AGTPBP1: variants seen among roughly 807,000 people sequenced by gnomAD.
The protein encoded by AGTPBP1 is cytosolic carboxypeptidase 1.
AGTPBP1 carries 70 observed loss-of-function variants against 143.9 expected under a neutral mutation model. That is an observed-to-expected ratio of 0.49 (90% confidence interval 0.40 to 0.59). The LOEUF (loss-of-function observed/expected upper bound fraction) is 0.59. Ranked by LOEUF, AGTPBP1 falls within the 20% of genes least tolerant of loss-of-function variation. AGTPBP1 has a pLI of 0.00. For synonymous variants in AGTPBP1, 463 were observed against 500.2 expected (o/e 0.93, Z 0.99); for missense variants, 1,229 against 1,464.5 (o/e 0.84, Z 2.62).
In AGTPBP1 at chr9:85,678,467, GA is replaced by G. The variant is rs1226308586; in HGVS notation, c.226-70del. The G allele has an allele frequency of 1.1e-5, 11 of 980,648 alleles. No individual in the cohort carries two copies. The East Asian group carries it at 3.0e-4, about 27-fold the overall frequency. The allele number at this position is 980,648 out of a possible 1,614,324, so 60.7% of individuals were successfully genotyped here. A position where few individuals can be genotyped will look rare whatever the true frequency, so the allele number is the denominator to read the frequency against. On this transcript the variant is annotated intron_variant, in intron 4 of 25. Transcript: ENST00000357081. ...ATTCCCAGACTTTTGAATCCACTGG[GA>G]ACTACCTATATTTTACAAATGACCT...
upstream of AGTPBP1, among the ~76,000 whole-genome samples, chr9:85,744,608 G>A (rs895692657): frequency 7.2e-5 from 11 of 152,144 alleles, no homozygotes; most frequent in Admixed American, 2.6e-4. Flanking sequence ...CCAGTTGCCC[G>A]CTTCACAGTT....
At chr9:85,666,228 GA>G (rs1398263507) in intron 8 of AGTPBP1, among the ~76,000 whole-genome samples, 6 of 152,048 alleles carry the variant, frequency 3.9e-5, no homozygotes, top group African/African-American at 1.4e-4. Context: ...AACCTATGGG[GA>G]AACTCAAAAA....
chr9:85,666,036 T>C (rs1834111495), intron 8 of AGTPBP1, among the ~76,000 whole-genome samples: 1 of 152,150 alleles, frequency 6.6e-6, no homozygotes, highest in Non-Finnish European at 1.5e-5. Flanking sequence ...AAATAATTTA[T>C]ACTTCCTCAT....
At chr9:85,671,896 T>C (rs1226819660) in intron 7 of AGTPBP1, among the ~76,000 whole-genome samples, 1 of 152,202 alleles carries the variant, frequency 6.6e-6, no homozygotes, top group Non-Finnish European at 1.5e-5. Context: ...ATCCTTTCCT[T>C]CTAGGCTTTC....
At chr9:85,610,450 A>C (rs1830249129) in intron 17 of AGTPBP1, among the ~76,000 whole-genome samples, 1 of 152,200 alleles carries the variant, frequency 6.6e-6, no homozygotes, top group Non-Finnish European at 1.5e-5. Context: ...GCTTAATTTT[A>C]AGATCATTCA....
rs1403157265 is a variant in AGTPBP1 at position 85,646,310 on chromosome 9, T to C, written c.1185+11A>G. 43 of 1,602,922 alleles carry C rather than the reference T, an allele frequency of 2.7e-5. No homozygotes were observed. The highest frequency in any genetic ancestry group is 3.7e-5 in the Non-Finnish European group (43 of 1,171,892). On this transcript the variant is annotated intron_variant, in intron 12 of 25. Coordinates refer to ENST00000357081, the MANE Select transcript of AGTPBP1 (RefSeq NM_001330701.2). ...TTATAAAGCTAACTAATTACAGAAA[T>C]TTATACTAACCTTAAAATTTTGATC...
chr9:85,569,712 C>T (rs576789534), intron 25 of AGTPBP1, among the ~76,000 whole-genome samples: 2 of 152,318 alleles, frequency 1.3e-5, no homozygotes, highest in Admixed American at 6.5e-5. Flanking sequence ...CAAAAAACAA[C>T]TCCAGATAGC....
chr9:85,573,449 C>G (rs1338644871), intron 25 of AGTPBP1, among the ~76,000 whole-genome samples: 9 of 152,144 alleles, frequency 5.9e-5, no homozygotes, highest in Non-Finnish European at 2.9e-5. Context: ...GATCTCGGCC[C>G]GCTACAACCT....
intron 18 of AGTPBP1, among the ~76,000 whole-genome samples, chr9:85,594,051 C>T (rs1829138911): frequency 6.6e-6 from 1 of 152,084 alleles, no homozygotes. Context: ...TGACAGAGTG[C>T]TAAGGATTAA....
Position 85,642,153 on chromosome 9 carries a change from A to C in AGTPBP1, c.1302+674T>G, listed in dbSNP as rs10746765. ...TAGAGATTATCTAATTCAAACTCTT[A>C]GACACTTTAAGATCCTGGGCGATTT... On this transcript the variant is annotated intron_variant, in intron 13 of 25. Coordinates refer to ENST00000357081, the MANE Select transcript of AGTPBP1 (RefSeq NM_001330701.2). Among the ~76,000 whole-genome samples the C allele has an allele frequency of 1.2e-3, 179 of 152,110 alleles. 1 individual carries two copies. Among genetic ancestry groups the C allele is most frequent in the Middle Eastern group, 3.4e-3 (1 of 294 alleles).
the AGTPBP1 span, among the ~76,000 whole-genome samples, chr9:85,800,361 C>T: frequency 5.6e-4 from 85 of 152,142 alleles, no homozygotes; most frequent in Admixed American, 1.6e-3. Context: ...TAGAGCCTTT[C>T]CAGGGTGCTG....
rs76768204 is a variant in AGTPBP1, at chr9:85,666,089, C to T, written c.662+3396G>A. Among the ~76,000 whole-genome samples, 3 of 152,042 alleles carry T rather than the reference C, an allele frequency of 2.0e-5. No homozygotes were observed. The South Asian group carries it at 6.2e-4, about 32-fold the overall frequency. ...ATATTTCCACAAAGAATACTACAAG[C>T]AACAATAATTCAAAAAGTAGTCTGT... is the stretch of plus-strand genomic sequence containing the variant. On this transcript the variant is annotated intron_variant, in intron 8 of 25. Transcript: ENST00000357081.
intron 3 of AGTPBP1, 103 bp from the exon 4 acceptor site, chr9:85,681,438 C>T: frequency 1.1e-6 from 1 of 873,584 alleles, no homozygotes. Flanking sequence ...TCCACTGGTA[C>T]AGTAAACACT....
chr9:85,688,407 T>TA (rs1392155721), intron 3 of AGTPBP1, among the ~76,000 whole-genome samples: 1 of 150,902 alleles, frequency 6.6e-6, no homozygotes, highest in Non-Finnish European at 1.5e-5. Context: ...TAAGCCTCAC[T>TA]AAAAAAAAAT....
intron 17 of AGTPBP1, among the ~76,000 whole-genome samples, chr9:85,613,451 C>A (rs1204010055): frequency 6.6e-6 from 1 of 151,848 alleles, no homozygotes; most frequent in Admixed American, 6.6e-5. Context: ...AGAGAATAAG[C>A]AAATATACAT....
At chr9:85,778,349 G>A in the AGTPBP1 span, among the ~76,000 whole-genome samples, 131 of 152,330 alleles carry the variant, frequency 8.6e-4, 1 homozygote, top group African/African-American at 1.5e-3. Flanking sequence ...AAGGAGAGTA[G>A]TTATCTGCAG....
chr9:85,564,683 G>A (rs547247051), intron 25 of AGTPBP1, among the ~76,000 whole-genome samples: 103 of 152,266 alleles, frequency 6.8e-4, no homozygotes, highest in Non-Finnish European at 8.8e-4. Flanking sequence ...CCATATAGCC[G>A]AGGTGTGTAA....
the AGTPBP1 span, among the ~76,000 whole-genome samples, chr9:85,797,662 C>T: frequency 9.9e-5 from 15 of 152,160 alleles, no homozygotes; most frequent in East Asian, 2.9e-3. Context: ...CTGGGCCACA[C>T]TGGAAGAAGA....
chr9:85,633,595 A>T (rs1234326008), intron 13 of AGTPBP1, among the ~76,000 whole-genome samples: 2 of 152,212 alleles, frequency 1.3e-5, no homozygotes, highest in African/African-American at 2.4e-5. Flanking sequence ...AAATGTGGGA[A>T]ATCTTAGAAT....
Sources: allele counts gnomAD v4.1 joint callset (sites outside exome capture counted in the v4.1 genomes callset), GRCh38; gene constraint gnomAD v4.1.1; transcripts MANE v1.5; gene names NCBI Gene and HGNC (gene_info 2026-07-23, HGNC 2026-07-21).